TMOD3: variants seen among roughly 807,000 people sequenced by gnomAD.
TMOD3 encodes the protein tropomodulin 3, also known as tropomodulin-3.
TMOD3 carries 20 observed loss-of-function variants against 39.2 expected under a neutral mutation model. That is an observed-to-expected ratio of 0.51 (90% CI 0.36 to 0.74). TMOD3 has a LOEUF of 0.74. Ranked by LOEUF, TMOD3 falls within the 30% of genes least tolerant of loss-of-function variation. TMOD3 has a pLI of 0.00. For synonymous variants in TMOD3, 143 were observed against 145.8 expected (o/e 0.98, Z 0.14); for missense variants, 381 against 412.8 (o/e 0.92, Z 0.67).
rs192719847 is a variant in TMOD3 at position 51,854,923 on chromosome 15, G to A, written c.-74-7888G>A. ...TCCATTAAAAAATTAGCATGGTCCT[G>A]GAAGTCCAGTGTGAAAAATAAGGAT... On this transcript the variant is annotated intron_variant, in intron 1 of 9. Coordinates refer to ENST00000308580, the MANE Select transcript of TMOD3 (RefSeq NM_014547.5). 3.7e-3 allele frequency among the ~76,000 whole-genome samples: 561 copies of A among 152,236 alleles called. 3 individuals are homozygous for A. The highest frequency in any genetic ancestry group is 5.2e-3 in the South Asian group (25 of 4,814).
rs1048436138 is a variant in TMOD3 at position 51,896,321 on chromosome 15, A to G, written c.628-98A>G. 9.0e-6 allele frequency: 7 copies of G among 781,190 alleles called. No individual in the cohort carries two copies. In the Admixed American group the frequency reaches 1.0e-4, roughly 12 times the overall value. The allele number at this position is 781,190 out of a possible 1,614,324, so 48.4% of individuals were successfully genotyped here. A position where few individuals can be genotyped will look rare whatever the true frequency, so the allele number is the denominator to read the frequency against. ...TCTTAGGTGTTTGTATAATTTCTGA[A>G]TACATTTTAAAGCAAAAAAAACCAT... On this transcript the variant is annotated intron_variant, in intron 6 of 9. Coordinates refer to ENST00000308580, the MANE Select transcript of TMOD3 (RefSeq NM_014547.5).
intron 3 of TMOD3, chr15:51,875,056 TA>T (rs1366577439): frequency 1.3e-5 from 2 of 152,218 alleles, no homozygotes; most frequent in African/African-American, 4.8e-5. Flanking sequence ...TGCCTTAAAC[TA>T]AGGACTTCCC....
intron 1 of TMOD3, among the ~76,000 whole-genome samples, chr15:51,841,354 T>C (rs1192518071): frequency 6.6e-6 from 1 of 152,236 alleles, no homozygotes; most frequent in Admixed American, 6.5e-5. Context: ...ATAGTTGTTG[T>C]CATAAGTGTT....
chr15:51,869,973 C>G (rs1217807643), intron 3 of TMOD3, among the ~76,000 whole-genome samples: 1 of 152,142 alleles, frequency 6.6e-6, no homozygotes, highest in African/African-American at 2.4e-5. Context: ...GAGTCTTGCT[C>G]TGTTGCCCAG....
rs2056701970 is a variant in TMOD3 at position 51,909,996 on chromosome 15, T to C, written c.*1186T>C. 2 of 152,226 alleles carry C rather than the reference T, an allele frequency of 1.3e-5. No homozygotes were observed. 9.4% of individuals were successfully genotyped at this position (152,226 alleles called of 1,614,324 possible). A position where few individuals can be genotyped will look rare whatever the true frequency, so the allele number is the denominator to read the frequency against. On this transcript the variant is annotated 3_prime_UTR_variant, in exon 10 of 10. Transcript: ENST00000308580. The stretch of plus-strand genomic sequence containing the variant: ...AAGCAGTCTTTCTTGCTCAAAGTAT[T>C]AAGGTGAACAATTGAATAGAGTACT...
At position 51,850,175 on chromosome 15, in the gene TMOD3, A is replaced by G. The variant is rs892006123; in HGVS notation, c.-74-12636A>G. 8.5e-5 allele frequency among the ~76,000 whole-genome samples: 13 copies of G among 152,116 alleles called. 1 individual carries two copies. Among genetic ancestry groups the G allele is most frequent in the African/African-American group, 3.1e-4 (13 of 41,420 alleles). On this transcript the variant is annotated intron_variant, in intron 1 of 9. Transcript: ENST00000308580. Reference sequence around the variant, plus strand: ...GGGATGTGAAGTAGAAGGAGAGTTTATATGTTTTTTATTTGAGGTATGTAT... The same window carrying G: ...GGGATGTGAAGTAGAAGGAGAGTTTGTATGTTTTTTATTTGAGGTATGTAT...
chr15:51,838,281 A>T (rs533874002), intron 1 of TMOD3, among the ~76,000 whole-genome samples: 1 of 152,344 alleles, frequency 6.6e-6, no homozygotes, highest in Non-Finnish European at 1.5e-5. Flanking sequence ...CTGTACACTA[A>T]TAGCCAGTAC....
chr15:51,861,238 G>C, intron 1 of TMOD3: 1 of 419,166 alleles, frequency 2.4e-6, no homozygotes, highest in Non-Finnish European at 4.7e-6. Context: ...ATGTGCTCTA[G>C]CTGTTCCAAT....
rs73409087 is a variant in TMOD3, at chr15:51,841,551, C to T, written c.-75+11715C>T. ...CCTATCCCAAAGCAGACCTTATGTC[C>T]TGGAGACTGTGAACCAAGCTTCTTG... On this transcript the variant is annotated intron_variant, in intron 1 of 9. Transcript: ENST00000308580. Among the ~76,000 whole-genome samples the T allele has an allele frequency of 5.1e-3, 782 of 152,244 alleles. 10 individuals are homozygous for T. The highest frequency in any genetic ancestry group is 0.018 in the African/African-American group (749 of 41,542).
At chr15:51,899,323 G>A (rs1377490233) in intron 7 of TMOD3, among the ~76,000 whole-genome samples, 1 of 152,150 alleles carries the variant, frequency 6.6e-6, no homozygotes, top group African/African-American at 2.4e-5. Flanking sequence ...CACCAACGGG[G>A]AATTACATGT....
chr15:51,890,744 A>G (rs747273924), intron 5 of TMOD3, among the ~76,000 whole-genome samples: 5 of 152,188 alleles, frequency 3.3e-5, no homozygotes, highest in Non-Finnish European at 7.4e-5. Flanking sequence ...TCATTCAGAC[A>G]TGTGTATAAC....
intron 3 of TMOD3, among the ~76,000 whole-genome samples, chr15:51,875,851 C>T (rs1595901553): frequency 6.6e-6 from 1 of 152,078 alleles, no homozygotes; most frequent in African/African-American, 2.4e-5. Flanking sequence ...ATCTCCTGAC[C>T]TCGTGATCCA....
chr15:51,837,750 C>A (rs1405774529), intron 1 of TMOD3, among the ~76,000 whole-genome samples: 2 of 152,194 alleles, frequency 1.3e-5, no homozygotes, highest in Non-Finnish European at 2.9e-5. Flanking sequence ...CATTATTATT[C>A]CTTGTCAAGT....
At chr15:51,887,199 C>T (rs567602443) in intron 3 of TMOD3, among the ~76,000 whole-genome samples, 7 of 143,136 alleles carry the variant, frequency 4.9e-5, no homozygotes, top group Middle Eastern at 3.7e-3. Context: ...CCAGCCTGGG[C>T]GACAGAGTGA....
intron 3 of TMOD3, among the ~76,000 whole-genome samples, chr15:51,887,248 G>T (rs1415485213): frequency 4.4e-5 from 6 of 137,674 alleles, no homozygotes; most frequent in African/African-American, 1.6e-4. Context: ...ATTGGATTCT[G>T]TTTTTTTTTT....
chr15:51,881,925 T>C (rs1354283057), intron 3 of TMOD3, among the ~76,000 whole-genome samples: 1 of 150,684 alleles, frequency 6.6e-6, no homozygotes, highest in African/African-American at 2.4e-5. Flanking sequence ...GATGGAGTCT[T>C]GCTCTGTCGC....
chr15:51,856,638 A>G (rs1156464016), intron 1 of TMOD3, among the ~76,000 whole-genome samples: 1 of 152,066 alleles, frequency 6.6e-6, no homozygotes, highest in Non-Finnish European at 1.5e-5. Context: ...AAGATTCTTC[A>G]CACAATAAGG....
intron 1 of TMOD3, among the ~76,000 whole-genome samples, chr15:51,856,216 T>C (rs2056387006): frequency 6.6e-6 from 1 of 152,194 alleles, no homozygotes. Flanking sequence ...TGAGCCGTCA[T>C]TGCACCACTG....
Position 51,878,376 on chromosome 15 carries a change from A to ATGTGTGTGTGTGTGTGTGTGTG in TMOD3, c.283+9013_283+9034dup, listed in dbSNP as rs10586896. 3.6e-3 allele frequency among the ~76,000 whole-genome samples: 537 copies of ATGTGTGTGTGTGTGTGTGTGTG among 147,404 alleles called. 2 individuals are homozygous for ATGTGTGTGTGTGTGTGTGTGTG. The highest frequency in any genetic ancestry group is 0.012 in the African/African-American group (483 of 39,750). On this transcript the variant is annotated intron_variant, in intron 3 of 9. Coordinates refer to ENST00000308580, the MANE Select transcript of TMOD3 (RefSeq NM_014547.5). ...AACAAGAACCATCTCTTTAAAATAT[A>ATGTGTGTGTGTGTGTGTGTGTG]TGTGTGTGTGTGTGTGTGTGTGTGT... is the stretch of plus-strand genomic sequence containing the variant.
Sources: allele counts gnomAD v4.1 joint callset (sites outside exome capture counted in the v4.1 genomes callset), GRCh38; gene constraint gnomAD v4.1.1; transcripts MANE v1.5; gene names NCBI Gene and HGNC (gene_info 2026-07-23, HGNC 2026-07-21).